Variants in MIAT observed in about 807,000 individuals in gnomAD.
MIAT encodes myocardial infarction associated transcript.
At chr22:26,670,056 AT>A (rs35523695), downstream of MIAT, 3,926 of 381,346 alleles carry the variant, frequency 0.01, 4 homozygotes, top group African/African-American at 0.023. Flanking sequence ...GGGTTTATCT[AT>A]TTTTTTTTTT....
exon 6 of MIAT, chr22:26,668,205 C>T: frequency 5.0e-6 from 2 of 398,684 alleles, no homozygotes; most frequent in Non-Finnish European, 4.4e-6. Flanking sequence ...CTGGACTTCT[C>T]TTTGGACCTC....
At chr22:26,666,296 G>A (rs1471584259) in exon 4 of MIAT, 5 of 398,546 alleles carry the variant, frequency 1.3e-5, no homozygotes, top group African/African-American at 1.0e-4. Context: ...ACACAGGGTG[G>A]TCTTAAAAGA....
chr22:26,655,077 C>G (rs963738135), intron 2 of MIAT, among the ~76,000 whole-genome samples: 2 of 152,212 alleles, frequency 1.3e-5, no homozygotes, highest in East Asian at 3.8e-4. Flanking sequence ...GCTGCATACT[C>G]TGGGCAATGC....
intron 5 of MIAT, chr22:26,667,359 T>TGTGTGTGTGTGTGTGTGTGC (rs1330930699): frequency 5.1e-6 from 2 of 395,596 alleles, no homozygotes; most frequent in African/African-American, 4.1e-5. Flanking sequence ...TGTGTGCGTG[T>TGTGTGTGTGTGTGTGTGTGC]GCACATGTGT....
exon 5 of MIAT, chr22:26,674,921 T>C: frequency 2.5e-6 from 1 of 398,772 alleles, no homozygotes; most frequent in Non-Finnish European, 4.4e-6. Flanking sequence ...TATAGCCTAG[T>C]GGGAGAGTTG....
chr22:26,668,257 C>A (rs1455319270), exon 6 of MIAT: 3 of 398,576 alleles, frequency 7.5e-6, no homozygotes, highest in Non-Finnish European at 1.3e-5. Flanking sequence ...AGCGGTCAGA[C>A]TCCGGTGGTT....
At chr22:26,659,168 A>G (rs1397736673) in intron 2 of MIAT, among the ~76,000 whole-genome samples, 1 of 152,088 alleles carries the variant, frequency 6.6e-6, no homozygotes, top group African/African-American at 2.4e-5. Flanking sequence ...GCAGGTGGGC[A>G]GATGCTTGGT....
intron 2 of MIAT, among the ~76,000 whole-genome samples, chr22:26,662,265 A>G: frequency 6.6e-6 from 1 of 151,870 alleles, no homozygotes; most frequent in Non-Finnish European, 1.5e-5. Context: ...CCCTGCCCCT[A>G]TTTGAATACA....
intron 2 of MIAT, chr22:26,647,395 G>C (rs1012858523): frequency 2.8e-6 from 1 of 359,220 alleles, no homozygotes. Context: ...GAGAGAGAGA[G>C]AGAGAGAGAG....
At chr22:26,670,908 G>A (rs969321745), downstream of MIAT, 7 of 398,428 alleles carry the variant, frequency 1.8e-5, no homozygotes, top group East Asian at 2.1e-4. Context: ...AAGCAGACCG[G>A]GTGGGCGTGG....
chr22:26,655,426 G>A (rs1010984692), intron 2 of MIAT, among the ~76,000 whole-genome samples: 1 of 152,194 alleles, frequency 6.6e-6, no homozygotes, highest in Non-Finnish European at 1.5e-5. Context: ...CTCTTTATGT[G>A]AGCGATGAAG....
intron 5 of MIAT, chr22:26,667,608 C>T: frequency 3.7e-6 from 1 of 266,884 alleles, no homozygotes; most frequent in East Asian, 6.6e-5. Flanking sequence ...ACTGCTTTTC[C>T]TCTGGTCCCC....
In MIAT at chr22:26,652,156, G is replaced by A. The variant is rs116146914; in HGVS notation, n.646+4845G>A. ...CCACAGGCACACACTACCATGCCTG[G>A]CTAATATTTAAAAGGTCTCTGTAGA... On this transcript the variant is annotated intron_variant and non_coding_transcript_variant, in intron 2 of 5. Transcript: ENST00000643270. Among the ~76,000 whole-genome samples, 845 of 152,168 alleles carry A rather than the reference G, an allele frequency of 5.6e-3. 4 individuals are homozygous for A. Among genetic ancestry groups the A allele is most frequent in the African/African-American group, 0.018 (747 of 41,514 alleles).
intron 2 of MIAT, chr22:26,657,661 C>T (rs1371744975): frequency 7.5e-6 from 3 of 398,764 alleles, no homozygotes; most frequent in African/African-American, 6.2e-5. Flanking sequence ...CGAGGTAAGA[C>T]GTCGCCCCAT....
intron 2 of MIAT, among the ~76,000 whole-genome samples, chr22:26,662,220 G>A (rs1930703320): frequency 6.6e-6 from 1 of 152,016 alleles, no homozygotes; most frequent in African/African-American, 2.4e-5. Context: ...GCTTCTCAAA[G>A]TGCTGGGATT....
chr22:26,669,980 A>G, downstream of MIAT: 1 of 398,562 alleles, frequency 2.5e-6, no homozygotes, highest in Non-Finnish European at 4.4e-6. Flanking sequence ...TTGTGTGCCT[A>G]GCACAGTGCC....
intron 3 of MIAT, among the ~76,000 whole-genome samples, chr22:26,663,887 C>T (rs1315308689): frequency 1.3e-5 from 2 of 151,844 alleles, no homozygotes; most frequent in East Asian, 3.9e-4. Context: ...CCAGCCAATC[C>T]CCTCTCAGCC....
At chr22:26,663,874 C>T (rs5761668) in intron 3 of MIAT, among the ~76,000 whole-genome samples, 125,612 of 151,458 alleles carry the variant, frequency 0.83, 52,394 homozygotes, top group East Asian at 0.96. Context: ...CCTGTATTCC[C>T]TCCCAGCCAA....
At chr22:26,668,786 T>C (rs1268552930) in exon 6 of MIAT, 2 of 399,178 alleles carry the variant, frequency 5.0e-6, no homozygotes, top group Non-Finnish European at 4.4e-6. Flanking sequence ...CTCTCCCTGA[T>C]GGTTACAAAG....
Sources: allele counts gnomAD v4.1 joint callset (sites outside exome capture counted in the v4.1 genomes callset), GRCh38; gene constraint gnomAD v4.1.1; transcripts MANE v1.5; gene names NCBI Gene and HGNC (gene_info 2026-07-23, HGNC 2026-07-21).